The following ZNF100 variants were observed in gnomAD, a reference collection of about 807,000 sequenced individuals.
The protein encoded by ZNF100 is zinc finger protein 100.
ZNF100 carries 12 observed loss-of-function variants against 15.8 expected under a neutral mutation model. The ratio of observed to expected loss-of-function variants is 0.76; its 90% confidence interval spans 0.49 to 1.23. The LOEUF (loss-of-function observed/expected upper bound fraction) is 1.23, where lower values mean the gene tolerates loss of function less well. Among genes scored for constraint, ZNF100 ranks in the 50% most tolerant of loss-of-function variants. The pLI is 0.00. For missense variants in ZNF100, 670 were observed against 635.6 expected, an observed-to-expected ratio of 1.05 and a Z score of -0.58; for synonymous variants, 226 against 214.8, an observed-to-expected ratio of 1.05 and a Z score of -0.45.
At position 21,724,625 on chromosome 19, in the gene ZNF100, G is replaced by A. The variant is rs1431050574; in HGVS notation, c.*2058C>T. The A allele has an allele frequency of 6.6e-6, 1 of 151,726 alleles. No homozygotes were observed. Among genetic ancestry groups the A allele is most frequent in the African/African-American group, 2.4e-5 (1 of 41,224 alleles). The allele number at this position is 151,726 out of a possible 1,614,324, so 9.4% of individuals were successfully genotyped here. A position where few individuals can be genotyped will look rare whatever the true frequency, so the allele number is the denominator to read the frequency against. On this transcript the variant is annotated 3_prime_UTR_variant, in exon 5 of 5. Transcript: ENST00000358296. ...CTTGTAATACAAAGGATAAATACTA[G>A]AGGTGATGGATACCTCATTTACCCT...
At chr19:21,766,210 T>C (rs1199062501) in intron 1 of ZNF100, among the ~76,000 whole-genome samples, 1 of 152,110 alleles carries the variant, frequency 6.6e-6, no homozygotes, top group Non-Finnish European at 1.5e-5. Flanking sequence ...AAAGTTGACA[T>C]TTGGGAACGC....
chr19:21,766,980 C>T (rs1385114425), intron 1 of ZNF100, among the ~76,000 whole-genome samples: 1 of 127,598 alleles, frequency 7.8e-6, no homozygotes, highest in African/African-American at 2.9e-5. Flanking sequence ...GGCGACAGAG[C>T]GACTCCGTCT....
At chr19:21,758,797 G>A (rs549879946) in intron 2 of ZNF100, among the ~76,000 whole-genome samples, 1 of 152,024 alleles carries the variant, frequency 6.6e-6, no homozygotes, top group Non-Finnish European at 1.5e-5. Flanking sequence ...GGAACAAGGG[G>A]GTCTGTCATC....
At chr19:21,745,166 T>C in intron 2 of ZNF100, 99 bp from the exon 3 acceptor site, 1 of 1,493,782 alleles carries the variant, frequency 6.7e-7, no homozygotes, top group Non-Finnish European at 8.9e-7. Context: ...CAAAGAGAAT[T>C]GGTTCTGATT....
rs1228648980 is a variant in ZNF100, at chr19:21,727,278, T to C, written c.1034A>G (p.Tyr345Cys). 9.3e-6 allele frequency: 15 copies of C among 1,613,526 alleles called. No homozygotes were observed. The highest frequency in any genetic ancestry group is 1.1e-5 in the Non-Finnish European group (13 of 1,179,944). The change falls in exon 5 of 5, where the codon TAC (tyrosine) becomes TGC (cysteine). Residue 345 changes from tyrosine (Y) to cysteine (C), a missense_variant. Physicochemically the swap from Tyr to Cys is radical, Grantham distance 194 (BLOSUM62 -2). Transcript: ENST00000358296. ...HRIIHTGEKP[Y>C]KCEECGKAFN... The stretch of plus-strand genomic sequence containing the variant: ...GGCTTTGCCACATTCTTCACATTTG[T>C]AGGGTTTCTCTCCAGTATGAATTAT...
chr19:21,763,485 G>A (rs2036513062), intron 2 of ZNF100, among the ~76,000 whole-genome samples: 1 of 152,130 alleles, frequency 6.6e-6, no homozygotes, highest in Admixed American at 6.5e-5. Flanking sequence ...AGCTACTTGG[G>A]AGGCTGAGGC....
At chr19:21,756,793 C>T (rs1454958729) in intron 2 of ZNF100, among the ~76,000 whole-genome samples, 5 of 152,088 alleles carry the variant, frequency 3.3e-5, no homozygotes, top group Non-Finnish European at 5.9e-5. Context: ...CAATTTTAAG[C>T]AAAAAGAACA....
chr19:21,732,022 G>A (rs1568292329), intron 4 of ZNF100, among the ~76,000 whole-genome samples: 1 of 152,196 alleles, frequency 6.6e-6, no homozygotes, highest in Non-Finnish European at 1.5e-5. Context: ...GGAGGCCAAG[G>A]TGGGCGGATC....
chr19:21,748,764 G>A (rs920900106), intron 2 of ZNF100, among the ~76,000 whole-genome samples: 3 of 152,154 alleles, frequency 2.0e-5, no homozygotes, highest in Admixed American at 1.3e-4. Flanking sequence ...GAGTGCAATG[G>A]CACAATCTTG....
At chr19:21,754,903 G>C (rs2036367575) in intron 2 of ZNF100, among the ~76,000 whole-genome samples, 3 of 152,054 alleles carry the variant, frequency 2.0e-5, no homozygotes, top group Admixed American at 2.0e-4. Context: ...ATCTGACAAA[G>C]GTCTAATATC....
At chr19:21,729,321 G>T (rs1395012508) in intron 4 of ZNF100, among the ~76,000 whole-genome samples, 1 of 150,954 alleles carries the variant, frequency 6.6e-6, no homozygotes, top group Non-Finnish European at 1.5e-5. Flanking sequence ...AAAGTATATT[G>T]GAACTCCATA....
intron 4 of ZNF100, among the ~76,000 whole-genome samples, chr19:21,737,071 CA>C (rs139529028): frequency 0.094 from 13,947 of 149,080 alleles, 863 homozygotes; most frequent in South Asian, 0.18. Context: ...GATAGAGACA[CA>C]AAAAAAACCC....
At chr19:21,740,975 G>T (rs2036096529) in intron 4 of ZNF100, among the ~76,000 whole-genome samples, 2 of 150,418 alleles carry the variant, frequency 1.3e-5, no homozygotes, top group African/African-American at 5.0e-5. Flanking sequence ...TATGATTATT[G>T]TACCAGTACT....
At chr19:21,766,386 T>C (rs569117222) in intron 1 of ZNF100, among the ~76,000 whole-genome samples, 2 of 148,824 alleles carry the variant, frequency 1.3e-5, no homozygotes, top group Non-Finnish European at 3.0e-5. Flanking sequence ...GCAATTCCAC[T>C]GAGGTGTCTC....
rs181374450 is a variant in ZNF100, at chr19:21,762,543, G to A, written c.96+3151C>T. Among the ~76,000 whole-genome samples, 73 of 152,224 alleles carry A rather than the reference G, an allele frequency of 4.8e-4. No homozygotes were observed. The East Asian group carries it at 8.5e-3, about 18-fold the overall frequency. On this transcript the variant is annotated intron_variant, in intron 2 of 4. Transcript: ENST00000358296. Reference sequence around the variant, plus strand: ...TTGGAACTGGGAGTTAGGAATGGCCGTCATCAAACTGATGCTTTCTGATTG... The same window carrying A: ...TTGGAACTGGGAGTTAGGAATGGCCATCATCAAACTGATGCTTTCTGATTG...
At chr19:21,731,075 A>G (rs1022520163) in intron 4 of ZNF100, among the ~76,000 whole-genome samples, 1 of 152,084 alleles carries the variant, frequency 6.6e-6, no homozygotes, top group African/African-American at 2.4e-5. Flanking sequence ...TTCAAAAAAA[A>G]GAAAATGTTG....
chr19:21,765,449 G>A (rs193182738), intron 2 of ZNF100, among the ~76,000 whole-genome samples: 6 of 152,252 alleles, frequency 3.9e-5, no homozygotes, highest in African/African-American at 1.4e-4. Flanking sequence ...CCATCTCACT[G>A]GGGTCAGTTC....
chr19:21,728,909 A>G (rs1044516450), intron 4 of ZNF100, among the ~76,000 whole-genome samples: 14 of 152,000 alleles, frequency 9.2e-5, no homozygotes, highest in South Asian at 2.1e-4. Context: ...GAAGATAAGA[A>G]CATAAATATT....
At chr19:21,735,561 G>C (rs2035994486) in intron 4 of ZNF100, among the ~76,000 whole-genome samples, 1 of 149,764 alleles carries the variant, frequency 6.7e-6, no homozygotes, top group Non-Finnish European at 1.5e-5. Flanking sequence ...CAACTCACTG[G>C]TGTGCTGTAT....
Sources: gnomAD v4.1 joint callset for allele counts (sites outside exome capture counted in the v4.1 genomes callset) on GRCh38, gnomAD v4.1.1 for gene constraint, MANE v1.5 for transcripts, NCBI Gene and HGNC (gene_info 2026-07-23, HGNC 2026-07-21) for gene names.